The following KHDRBS2 variants were observed in gnomAD, a reference collection of about 807,000 sequenced individuals.
KHDRBS2 encodes KH RNA binding domain containing, signal transduction associated 2, also known as KH domain-containing, RNA-binding, signal transduction-associated protein 2.
Under a neutral mutation model 44.3 loss-of-function variants are expected in KHDRBS2, and 26 were observed. The ratio of observed to expected loss-of-function variants is 0.59; its 90% CI spans 0.43 to 0.81. The LOEUF (loss-of-function observed/expected upper bound fraction) is 0.81. KHDRBS2 is among the 40% of genes least tolerant of loss of function. KHDRBS2 has a pLI of 0.00. For missense variants in KHDRBS2, 476 were observed against 433.1 expected, an observed-to-expected ratio of 1.10 and a Z score of -0.88; for synonymous variants, 194 against 151.1, an observed-to-expected ratio of 1.28 and a Z score of -2.08.
chr6:62,024,721 C>G (rs1782979672), intron 3 of KHDRBS2, among the ~76,000 whole-genome samples: 1 of 151,532 alleles, frequency 6.6e-6, no homozygotes, highest in Admixed American at 6.6e-5. Context: ...TCTAATTTAT[C>G]TGGGCTCTAA....
chr6:62,156,682 CTCTG>C (rs1419995829), intron 2 of KHDRBS2, among the ~76,000 whole-genome samples: 1 of 151,994 alleles, frequency 6.6e-6, no homozygotes. Flanking sequence ...CGGAGTCTCG[CTCTG>C]TCTCTCAGGC....
At chr6:62,018,789 C>A (rs1162015255) in intron 3 of KHDRBS2, among the ~76,000 whole-genome samples, 1 of 152,088 alleles carries the variant, frequency 6.6e-6, no homozygotes, top group Non-Finnish European at 1.5e-5. Context: ...ATTTTTATAT[C>A]ATTTACTGAT....
At chr6:62,218,118 C>T (rs1288867120) in intron 1 of KHDRBS2, among the ~76,000 whole-genome samples, 3 of 151,758 alleles carry the variant, frequency 2.0e-5, no homozygotes, top group Non-Finnish European at 1.5e-5. Context: ...CATTACCTCT[C>T]ATGCTACAGG....
At chr6:61,986,011 T>C (rs1237091474) in intron 3 of KHDRBS2, among the ~76,000 whole-genome samples, 1 of 152,020 alleles carries the variant, frequency 6.6e-6, no homozygotes, top group African/African-American at 2.4e-5. Context: ...CACTAGAGTA[T>C]AGTGGTTTAA....
intron 2 of KHDRBS2, among the ~76,000 whole-genome samples, chr6:62,110,863 A>G (rs911611761): frequency 2.6e-5 from 4 of 152,078 alleles, no homozygotes; most frequent in African/African-American, 9.7e-5. Flanking sequence ...CATATTTTAT[A>G]TGTGTAATTT....
chr6:61,758,447 C>T (rs942591235), intron 6 of KHDRBS2, among the ~76,000 whole-genome samples: 2 of 151,790 alleles, frequency 1.3e-5, no homozygotes, highest in Non-Finnish European at 2.9e-5. Context: ...TTGTCAATTT[C>T]CATCTTTATT....
At chr6:62,091,108 T>C (rs540363233) in intron 2 of KHDRBS2, among the ~76,000 whole-genome samples, 46 of 152,222 alleles carry the variant, frequency 3.0e-4, no homozygotes, top group Admixed American at 1.4e-3. Flanking sequence ...GGGTGCCTGA[T>C]TGGATGACCG....
intron 1 of KHDRBS2, among the ~76,000 whole-genome samples, chr6:62,200,801 C>A (rs1826802863): frequency 6.6e-6 from 1 of 152,114 alleles, no homozygotes; most frequent in Non-Finnish European, 1.5e-5. Flanking sequence ...TTTATTGTGG[C>A]ACTACTCACA....
chr6:62,111,740 A>G lies in KHDRBS2; in HGVS notation c.220-63746T>C, dbSNP rs191488783. ...CTACAAAAAATTAGAAAATTAGCCGAGTATGGTGGCACACTTCTGTAGTCC... is the reference window on the plus strand; with the variant it reads ...CTACAAAAAATTAGAAAATTAGCCGGGTATGGTGGCACACTTCTGTAGTCC... On this transcript the variant is annotated intron_variant, in intron 2 of 8. Transcript: ENST00000281156. Among the ~76,000 whole-genome samples, 14 of 152,074 alleles carry G rather than the reference A, an allele frequency of 9.2e-5. No homozygotes were observed. In the East Asian group the frequency reaches 2.3e-3, roughly 25 times the overall value.
intron 2 of KHDRBS2, among the ~76,000 whole-genome samples, chr6:62,070,023 T>A (rs1794617064): frequency 6.6e-6 from 1 of 151,670 alleles, no homozygotes; most frequent in Non-Finnish European, 1.5e-5. Flanking sequence ...CATGAAAAGG[T>A]GTTAATTTTT....
chr6:61,972,434 G>T (rs182180184), intron 4 of KHDRBS2, among the ~76,000 whole-genome samples: 1 of 152,232 alleles, frequency 6.6e-6, no homozygotes, highest in Admixed American at 6.5e-5. Context: ...TAGCAATACA[G>T]GAAATATTTC....
At chr6:61,588,622 A>G in the KHDRBS2 span, among the ~76,000 whole-genome samples, 25 of 152,222 alleles carry the variant, frequency 1.6e-4, no homozygotes, top group African/African-American at 5.8e-4. Flanking sequence ...TGTCTCTACA[A>G]AAAAACAAAA....
intron 4 of KHDRBS2, among the ~76,000 whole-genome samples, chr6:61,931,494 C>T (rs1302819909): frequency 6.6e-6 from 1 of 151,914 alleles, no homozygotes; most frequent in African/African-American, 2.4e-5. Flanking sequence ...ATCCTTAACA[C>T]TTGATAACAT....
At chr6:62,045,041 A>C (rs1749850253) in intron 3 of KHDRBS2, among the ~76,000 whole-genome samples, 1 of 152,154 alleles carries the variant, frequency 6.6e-6, no homozygotes, top group African/African-American at 2.4e-5. Flanking sequence ...CTGGACATAA[A>C]TTTGAGGTTC....
At chr6:61,557,526 T>C in the KHDRBS2 span, among the ~76,000 whole-genome samples, 7 of 152,292 alleles carry the variant, frequency 4.6e-5, no homozygotes, top group East Asian at 1.4e-3. Flanking sequence ...AGTAAAACAC[T>C]CCTTGCTAGT....
At chr6:62,284,547 T>C (rs1241441068) in intron 1 of KHDRBS2, among the ~76,000 whole-genome samples, 1 of 151,088 alleles carries the variant, frequency 6.6e-6, no homozygotes, top group Non-Finnish European at 1.5e-5. Flanking sequence ...TCCACTTTAA[T>C]TTATATTTTT....
chr6:62,059,060 C>A (rs1460379929), intron 2 of KHDRBS2, among the ~76,000 whole-genome samples: 5 of 151,288 alleles, frequency 3.3e-5, no homozygotes, highest in Non-Finnish European at 5.9e-5. Flanking sequence ...TAGAACTCCA[C>A]TGAGGGGAAA....
intron 7 of KHDRBS2, among the ~76,000 whole-genome samples, chr6:61,714,993 A>G (rs1393749745): frequency 1.3e-5 from 2 of 151,890 alleles, no homozygotes; most frequent in Non-Finnish European, 2.9e-5. Flanking sequence ...CCTGACTTCA[A>G]TCTATGCATA....
intron 3 of KHDRBS2, among the ~76,000 whole-genome samples, chr6:62,004,332 TC>T (rs1778824155): frequency 6.6e-6 from 1 of 151,992 alleles, no homozygotes; most frequent in Non-Finnish European, 1.5e-5. Flanking sequence ...TCACCACCCA[TC>T]CCACAGAAAT....
Sources: allele counts gnomAD v4.1 joint callset (sites outside exome capture counted in the v4.1 genomes callset), GRCh38; gene constraint gnomAD v4.1.1; transcripts MANE v1.5; gene names NCBI Gene and HGNC (gene_info 2026-07-23, HGNC 2026-07-21).